Variants in STKLD1 observed in about 807,000 individuals in gnomAD.
STKLD1 encodes the protein serine/threonine kinase like domain containing 1.
Under a neutral mutation model 80.4 loss-of-function variants are expected in STKLD1, and 79 were observed. The ratio of observed to expected loss-of-function variants is 0.98; its 90% CI spans 0.82 to 1.19. The LOEUF is 1.19. STKLD1 is among the 50% of genes most tolerant of loss of function. STKLD1 has a pLI of 0.00. For missense variants in STKLD1, 841 were observed against 856.0 expected (o/e 0.98, Z 0.22); for synonymous variants, 393 against 357.6 (o/e 1.10, Z -1.12).
intron 12 of STKLD1, 31 bp downstream of exon 12, chr9:133,400,560 G>C: frequency 1.3e-6 from 2 of 1,554,904 alleles, no homozygotes; most frequent in Non-Finnish European, 1.8e-6. Context: ...GATGGGGTCG[G>C]GGAGGCTGTG....
In STKLD1 at chr9:133,406,096, A is replaced by G. The variant is rs1554778705; in HGVS notation, c.*675A>G. ...AACATCTGCATTTATTTTAAATCGC[A>G]TCCTCGGTGTGTCTGCCCCTTTTCT... On this transcript the variant is annotated 3_prime_UTR_variant, in exon 18 of 18. Coordinates refer to ENST00000371957, the MANE Select transcript of STKLD1 (RefSeq NM_153710.5). The G allele has an allele frequency of 6.6e-6, 1 of 152,208 alleles. No individual in the cohort carries two copies. 9.4% of individuals were successfully genotyped at this position (152,208 alleles called of 1,614,324 possible). A position where few individuals can be genotyped will look rare whatever the true frequency, so the allele number is the denominator to read the frequency against.
chr9:133,397,248 G>A lies in STKLD1; in HGVS notation c.951G>A (p.Ala317=), dbSNP rs782729394. The change falls in exon 10 of 18, where the codon GCG becomes GCA. Residue 317 remains alanine, a synonymous_variant. Transcript: ENST00000371957. ...CCCTGCACCGGCAGATGGTGCCTGC[G>A]TCCATCACCGACATGCTGTTAGAAG... ...SLTLHRQMVP[A]SITDMLLEGN... The A allele has an allele frequency of 6.2e-6, 10 of 1,613,862 alleles. No individual in the cohort carries two copies. The highest frequency in any genetic ancestry group is 4.5e-5 in the East Asian group (2 of 44,868).
At chr9:133,399,311 G>A (rs1554777212) in intron 11 of STKLD1, among the ~76,000 whole-genome samples, 2 of 152,194 alleles carry the variant, frequency 1.3e-5, no homozygotes, top group Non-Finnish European at 2.9e-5. Context: ...AATCCACTGA[G>A]GTTTGTTGCA....
At position 133,403,097 on chromosome 9, in the gene STKLD1, A is replaced by G. The variant is rs1046046110; in HGVS notation, c.1474+85A>G. ...TAACTGCCCCTGAGAGCCTTCGAGG[A>G]CCTCCATGTCCTGTCCCTAAAACAC... On this transcript the variant is annotated intron_variant, in intron 14 of 17. Transcript: ENST00000371957. The G allele has an allele frequency of 1.0e-5, 14 of 1,389,260 alleles. No homozygotes were observed. In the African/African-American group the frequency reaches 1.9e-4, roughly 19 times the overall value. The allele number at this position is 1,389,260 out of a possible 1,614,324, so 86.1% of individuals were successfully genotyped here.
intron 4 of STKLD1, among the ~76,000 whole-genome samples, chr9:133,386,525 C>T (rs2130277737): frequency 8.5e-5 from 13 of 152,256 alleles, no homozygotes; most frequent in African/African-American, 2.9e-4. Flanking sequence ...GCACCACATC[C>T]GTCATCACGT....
intron 13 of STKLD1, 31 bp from the exon 14 acceptor site, chr9:133,402,847 C>A: frequency 6.3e-7 from 1 of 1,589,332 alleles, no homozygotes. Context: ...GAGGGAGGGG[C>A]CCTGGGGCCC....
At chr9:133,397,093 G>A (rs996004198) in intron 9 of STKLD1, 71 bp from the exon 10 acceptor site, 11 of 1,601,954 alleles carry the variant, frequency 6.9e-6, no homozygotes, top group Non-Finnish European at 9.4e-6. Flanking sequence ...GCCAGAGGCA[G>A]AGGGAGAGCC....
rs1838329208 is a variant in STKLD1, at chr9:133,389,229, G to A, written c.397-297G>A. 5.1e-6 allele frequency: 5 copies of A among 985,366 alleles called. No individual in the cohort carries two copies. The East Asian group carries it at 3.4e-4, about 67-fold the overall frequency. The allele number at this position is 985,366 out of a possible 1,614,324, so 61.0% of individuals were successfully genotyped here. A position where few individuals can be genotyped will look rare whatever the true frequency, so the allele number is the denominator to read the frequency against. On this transcript the variant is annotated intron_variant, in intron 5 of 17. Coordinates refer to ENST00000371957, the MANE Select transcript of STKLD1 (RefSeq NM_153710.5). The surrounding 1 kb of genome is among the most constrained non-coding windows in gnomAD (Gnocchi z 6.4). ...CAGCTCCCAGCAAGTGTGGGGCAGC[G>A]CGGGCCACAGAGTAGGGTGCAGGGA...
chr9:133,400,324 C>G (rs1588754815), intron 11 of STKLD1, 89 bp from the exon 12 acceptor site: 4 of 915,810 alleles, frequency 4.4e-6, no homozygotes, highest in South Asian at 1.4e-5. Flanking sequence ...GCCCTGCAGG[C>G]TCCTACCAGC....
chr9:133,404,682 T>C, intron 16 of STKLD1, 107 bp from the exon 17 acceptor site: 1 of 1,473,270 alleles, frequency 6.8e-7, no homozygotes. Context: ...TCTCTTGTCC[T>C]GTCCCAGGCC....
In STKLD1 at chr9:133,404,068, G is replaced by A. The variant is rs781922086; in HGVS notation, c.1732+20G>A. The A allele has an allele frequency of 7.0e-6, 11 of 1,567,228 alleles. No homozygotes were observed. The Admixed American group carries it at 7.7e-5, about 11-fold the overall frequency. ...TGTCAGGTGAGCCTGGGGACAGGACGAGGCTGCCACCTAGAGGTGGGGGCA... is the reference window on the plus strand; with the variant it reads ...TGTCAGGTGAGCCTGGGGACAGGACAAGGCTGCCACCTAGAGGTGGGGGCA... On this transcript the variant is annotated intron_variant, in intron 16 of 17. Transcript: ENST00000371957.
Position 133,384,462 on chromosome 9 carries a change from C to G in STKLD1, c.219+562C>G, listed in dbSNP as rs999396114. The G allele has an allele frequency of 1.3e-5, 2 of 152,102 alleles. No homozygotes were observed. Among genetic ancestry groups the G allele is most frequent in the Non-Finnish European group, 2.9e-5 (2 of 68,122 alleles). 9.4% of individuals were successfully genotyped at this position (152,102 alleles called of 1,614,324 possible). ...GTCTCAAAAATAAATAAATATTGGC[C>G]GGGTCCCTAGGTTAATCTACCAATA... On this transcript the variant is annotated intron_variant, in intron 3 of 17. Transcript: ENST00000371957. The surrounding 1 kb of genome is among the most constrained non-coding windows in gnomAD (Gnocchi z 4.3).
At chr9:133,376,654 G>A in intron 1 of STKLD1, 94 bp downstream of exon 1, 1 of 1,156,406 alleles carries the variant, frequency 8.6e-7, no homozygotes, top group Non-Finnish European at 1.2e-6. Context: ...AGGGCGGCGA[G>A]GGGCCCGCGC....
In STKLD1 at chr9:133,403,772, C is replaced by T. The variant is rs369512252; in HGVS notation, c.1547C>T (p.Ala516Val). The T allele has an allele frequency of 7.6e-5, 123 of 1,613,646 alleles. No individual in the cohort carries two copies. The highest frequency in any genetic ancestry group is 9.8e-5 in the Non-Finnish European group (116 of 1,179,964). The change falls in exon 15 of 18, where the codon GCG becomes GTG. Residue 516 changes from alanine to valine, a missense_variant. Transcript: ENST00000371957. ...AGCCAGGTGTTGGCCACCTACCCTGCGGATGGGGAAATGGCAGAAGCCAGC... is the reference window on the plus strand; with the variant it reads ...AGCCAGGTGTTGGCCACCTACCCTGTGGATGGGGAAATGGCAGAAGCCAGC... The part of the protein sequence containing the change: ...LISQVLATYP[A>V]DGEMAEASCG...
intron 2 of STKLD1, among the ~76,000 whole-genome samples, chr9:133,383,432 ATAG>A (rs1838195931): frequency 7.1e-6 from 1 of 140,284 alleles, no homozygotes; most frequent in East Asian, 2.2e-4. Flanking sequence ...GATGGTGATG[ATAG>A]TGGTGATGGT....
intron 13 of STKLD1, among the ~76,000 whole-genome samples, chr9:133,402,106 TAC>T (rs1838721194): frequency 6.6e-6 from 1 of 152,220 alleles, no homozygotes; most frequent in Non-Finnish European, 1.5e-5. Context: ...TGGTTCCCTC[TAC>T]AGACATGCTA....
rs2130287306 is a variant in STKLD1, at chr9:133,390,784, C to A, written c.571C>A (p.Arg191Ser). 2 of 1,613,514 alleles carry A rather than the reference C, an allele frequency of 1.2e-6. No individual in the cohort carries two copies. ...GACAGACAAAGCCAAATGGAATATT[C>A]GTGCGGAGGAAGGTGGCAGGGGCTC... The part of the protein sequence containing the change: ...LMTDKAKWNI[R>S]AEEDPFRKSW... Residue 191 changes from arginine to serine, a missense_variant, in exon 7 of 18, where the codon CGT becomes AGT. Coordinates refer to ENST00000371957, the MANE Select transcript of STKLD1 (RefSeq NM_153710.5). This position sits in a 1 kb window ranked among gnomAD's most constrained non-coding sequence, Gnocchi z 5.1.
intron 4 of STKLD1, 89 bp from the exon 5 acceptor site, chr9:133,387,358 G>A (rs1838286638): frequency 2.9e-6 from 3 of 1,032,004 alleles, no homozygotes; most frequent in East Asian, 4.8e-5. Context: ...GCAAATGGCA[G>A]CTGAGCGCAG....
intron 12 of STKLD1, among the ~76,000 whole-genome samples, chr9:133,401,207 C>T (rs1188979528): frequency 1.3e-5 from 2 of 149,614 alleles, no homozygotes; most frequent in Non-Finnish European, 3.0e-5. Flanking sequence ...GGCGCACTCT[C>T]GGCTCAATGC....
Sources: allele counts gnomAD v4.1 joint callset (sites outside exome capture counted in the v4.1 genomes callset), GRCh38; gene constraint gnomAD v4.1.1; non-coding constraint Gnocchi (gnomAD v3.1); transcripts MANE v1.5; gene names NCBI Gene and HGNC (gene_info 2026-07-23, HGNC 2026-07-21).